Variants in ADAMTSL4 observed in about 807,000 individuals in gnomAD.
The protein encoded by ADAMTSL4 is ADAMTS-like protein 4.
In ADAMTSL4, 97 loss-of-function variants were observed where a neutral mutation model predicts 122.8. That is an observed-to-expected ratio of 0.79 (90% CI 0.67 to 0.93). ADAMTSL4 has a LOEUF of 0.93. Ranked by LOEUF, ADAMTSL4 falls within the 40% of genes least tolerant of loss-of-function variation. The pLI is 0.00. For missense variants in ADAMTSL4, 1,408 were observed against 1,453.5 expected, an observed-to-expected ratio of 0.97 and a Z score of 0.51; for synonymous variants, 592 against 568.0, an observed-to-expected ratio of 1.04 and a Z score of -0.60.
chr1:150,557,496 G>C lies in ADAMTSL4; in HGVS notation c.2050G>C (p.Val684Leu), dbSNP rs1434793522. ...SACSASCGKG[V>L]WRPIFLCISR... ...TGGCTGCCTTCTCACCCACTCAGGTGTCTGGCGCCCCATTTTCCTCTGCAT... is the reference window on the plus strand; with the variant it reads ...TGGCTGCCTTCTCACCCACTCAGGTCTCTGGCGCCCCATTTTCCTCTGCAT... Residue 684 changes from valine (V) to leucine (L), a missense_variant and splice_region_variant, in exon 13 of 19, where the codon GTC becomes CTC. Coordinates refer to ENST00000271643, the MANE Select transcript of ADAMTSL4 (RefSeq NM_019032.6). 3 of 1,613,062 alleles carry C rather than the reference G, an allele frequency of 1.9e-6. No homozygotes were observed. The highest frequency in any genetic ancestry group is 2.5e-6 in the Non-Finnish European group (3 of 1,179,972).
chr1:150,557,300 TG>T lies in ADAMTSL4; in HGVS notation c.2015del (p.Gly672AspfsTer147). ...TCTCCAGCTGCGTACTGGAAACGAG[TG>T]GGACACTCTGCATGCTCAGCGTCCT... ...LGSPAAYWKR[V>X]GHSACSASCG... On this transcript the variant is annotated frameshift_variant, in exon 12 of 19. Coordinates refer to ENST00000271643, the MANE Select transcript of ADAMTSL4 (RefSeq NM_019032.6). LOFTEE classifies it high-confidence loss of function. The T allele has an allele frequency of 3.7e-6, 6 of 1,611,994 alleles. No homozygotes were observed. Among genetic ancestry groups the T allele is most frequent in the Non-Finnish European group, 5.1e-6 (6 of 1,179,522 alleles).
At chr1:150,557,359 C>A in intron 12 of ADAMTSL4, 24 bp downstream of exon 12, 1 of 1,604,474 alleles carries the variant, frequency 6.2e-7, no homozygotes, top group East Asian at 2.3e-5. Context: ...GTGCGTTCCC[C>A]GCATCTCGGT....
At position 150,554,532 on chromosome 1, in the gene ADAMTSL4, T is replaced by C. The variant is rs1351109553; in HGVS notation, c.1234+65T>C. ...AATTGGGGATGAAGGGGAGAGGAGATACCTGCTTACTCCCAGCCCTGAATG... is the reference window on the plus strand; with the variant it reads ...AATTGGGGATGAAGGGGAGAGGAGACACCTGCTTACTCCCAGCCCTGAATG... On this transcript the variant is annotated intron_variant, in intron 7 of 18. Transcript: ENST00000271643. The surrounding 1 kb of genome is among the most constrained non-coding windows in gnomAD (Gnocchi z 4.0). 1 of 1,601,508 alleles carries C rather than the reference T, an allele frequency of 6.2e-7. No individual in the cohort carries two copies. The highest frequency in any genetic ancestry group is 1.7e-5 in the Admixed American group (1 of 57,778).
In ADAMTSL4 at chr1:150,553,612, C is replaced by G; in HGVS notation, c.621C>G (p.Asn207Lys). The part of the protein sequence containing the change: ...PTPRAEPFSA[N>K]GSPQTELPPT... ...CAAGAGCAGAGCCATTCTCCGCAAACGGCAGCCCCCAAACTGAGCTCCCTC... is the reference window on the plus strand; with the variant it reads ...CAAGAGCAGAGCCATTCTCCGCAAAGGGCAGCCCCCAAACTGAGCTCCCTC... The change falls in exon 6 of 19, where the codon AAC (asparagine) becomes AAG (lysine). Residue 207 changes from asparagine to lysine, a missense_variant. Transcript: ENST00000271643. 6.2e-7 allele frequency: 1 copy of G among 1,613,890 alleles called. No individual in the cohort carries two copies. The highest frequency in any genetic ancestry group is 8.5e-7 in the Non-Finnish European group (1 of 1,179,946).
rs140825395 is a variant in ADAMTSL4 at position 150,559,042 on chromosome 1, G to A, written c.2640G>A (p.Gln880=). ...GTGGGGCAGCCCTCGGGCCAGGCCA[G>A]GGGGAAGCAGGAGCAGGAACTGGGC... ...LGSGAALGPG[Q]GEAGAGTGQS... is the part of the protein sequence containing the mutation. Residue 880 remains glutamine, a synonymous_variant, in exon 16 of 19, where the codon CAG becomes CAA. Coordinates refer to ENST00000271643, the MANE Select transcript of ADAMTSL4 (RefSeq NM_019032.6). The surrounding 1 kb of genome is among the most constrained non-coding windows in gnomAD (Gnocchi z 4.1). 2.2e-5 allele frequency: 36 copies of A among 1,612,354 alleles called. No individual in the cohort carries two copies. Among genetic ancestry groups the A allele is most frequent in the Non-Finnish European group, 2.9e-5 (34 of 1,179,892 alleles).
chr1:150,550,168 C>T (rs946598966), intron 2 of ADAMTSL4: 8 of 454,274 alleles, frequency 1.8e-5, no homozygotes, highest in Non-Finnish European at 3.5e-5. Context: ...CAGGAGGAGC[C>T]CGCGTTTGTC....
At position 150,557,037 on chromosome 1, in the gene ADAMTSL4, C is replaced by T. The variant is rs1412359578; in HGVS notation, c.1848C>T (p.Pro616=). ...LENPTPEPPV[P]QLQPEILRVE... is the part of the protein sequence containing the mutation. ...ACCCCACCCCAGAGCCCCCTGTCCC[C>T]CAGCTTCAGCCGGGTAAGACTCTGA... Residue 616 remains proline (P), a synonymous_variant, in exon 11 of 19, where the codon CCC becomes CCT. Coordinates refer to ENST00000271643, the MANE Select transcript of ADAMTSL4 (RefSeq NM_019032.6). The T allele has an allele frequency of 1.2e-6, 2 of 1,613,932 alleles. No individual in the cohort carries two copies. Among genetic ancestry groups the T allele is most frequent in the South Asian group, 2.2e-5 (2 of 91,090 alleles).
intron 15 of ADAMTSL4, 21 bp from the exon 16 acceptor site, chr1:150,558,941 G>A (rs765305544): frequency 6.3e-7 from 1 of 1,588,048 alleles, no homozygotes; most frequent in Non-Finnish European, 8.5e-7. Context: ...CCCTCACACA[G>A]GCCGCTCTCC....
Position 150,556,194 on chromosome 1 carries a change from C to T in ADAMTSL4, c.1404C>T (p.Gly468=). 6.2e-7 allele frequency: 1 copy of T among 1,614,216 alleles called. No homozygotes were observed. Among genetic ancestry groups the T allele is most frequent in the South Asian group, 1.1e-5 (1 of 91,086 alleles). ...GCTGTGATGGGATCCTTGGCTCTGG[C>T]AGGCGTCCTGATGGCTGTGGAGTCT... The part of the protein sequence containing the change: ...SPGCDGILGS[G]RRPDGCGVCG... The change falls in exon 9 of 19, where the codon GGC becomes GGT. Residue 468 remains glycine (G), a synonymous_variant. Coordinates refer to ENST00000271643, the MANE Select transcript of ADAMTSL4 (RefSeq NM_019032.6). This position sits in a 1 kb window ranked among gnomAD's most constrained non-coding sequence, Gnocchi z 4.1.
intron 15 of ADAMTSL4, 119 bp downstream of exon 15, chr1:150,558,768 C>G (rs1221495741): frequency 6.4e-7 from 1 of 1,572,434 alleles, no homozygotes; most frequent in Non-Finnish European, 8.6e-7. Context: ...TATGCCTGAC[C>G]CTGGGAACTC....
rs751448354 is a variant in ADAMTSL4, at chr1:150,558,607, G to A, written c.2517G>A (p.Gly839=). Residue 839 remains glycine (G), a synonymous_variant, in exon 15 of 19, where the codon GGG becomes GGA. Coordinates refer to ENST00000271643, the MANE Select transcript of ADAMTSL4 (RefSeq NM_019032.6). ...QPPSREACDM[G]PCTTAWFHSD... ...CCAGCAGAGAGGCCTGTGACATGGGGCCCTGTACTACTGCCTGGTTCCACA... is the reference window on the plus strand; with the variant it reads ...CCAGCAGAGAGGCCTGTGACATGGGACCCTGTACTACTGCCTGGTTCCACA... The A allele has an allele frequency of 5.6e-6, 9 of 1,613,752 alleles. No homozygotes were observed. The East Asian group carries it at 8.9e-5, about 16-fold the overall frequency.
chr1:150,552,642 C>T lies in ADAMTSL4; in HGVS notation c.78+42C>T, dbSNP rs760169235. On this transcript the variant is annotated intron_variant, in intron 4 of 18. Coordinates refer to ENST00000271643, the MANE Select transcript of ADAMTSL4 (RefSeq NM_019032.6). This position sits in a 1 kb window ranked among gnomAD's most constrained non-coding sequence, Gnocchi z 4.0. ...TGAGCAGCTGCAGCCTGCCTGCCAC[C>T]CTTTCATCTCCCCCTAGGCTCCCAC... 6.3e-7 allele frequency: 1 copy of T among 1,586,658 alleles called. No individual in the cohort carries two copies. Among genetic ancestry groups the T allele is most frequent in the African/African-American group, 1.3e-5 (1 of 74,122 alleles).
At position 150,553,735 on chromosome 1, in the gene ADAMTSL4, C is replaced by G. The variant is rs587616373; in HGVS notation, c.744C>G (p.Pro248=). The change falls in exon 6 of 19, where the codon CCC becomes CCG. Residue 248 remains proline, a synonymous_variant. Coordinates refer to ENST00000271643, the MANE Select transcript of ADAMTSL4 (RefSeq NM_019032.6). ...TGGCCCCCAGAACCAGGCCTGCCCC[C>G]CTACGGCATCACCCCAGAGCCCAGG... ...TEVAPRTRPA[P]LRHHPRAQAS... The G allele has an allele frequency of 5.6e-6, 9 of 1,613,574 alleles. No homozygotes were observed. Among genetic ancestry groups the G allele is most frequent in the Admixed American group, 5.0e-5 (3 of 60,006 alleles).
At position 150,559,832 on chromosome 1, in the gene ADAMTSL4, C is replaced by T. The variant is rs1570965881; in HGVS notation, c.3015C>T (p.Ser1005=). 1 of 1,614,040 alleles carries T rather than the reference C, an allele frequency of 6.2e-7. No individual in the cohort carries two copies. The highest frequency in any genetic ancestry group is 1.7e-5 in the Admixed American group (1 of 60,030). ...GCCTGAGCACCAACCAGACCCTCAGCACCCGATGCCCTCCTCAACTGCGGC... is the reference window on the plus strand; with the variant it reads ...GCCTGAGCACCAACCAGACCCTCAGTACCCGATGCCCTCCTCAACTGCGGC... ...VQCLSTNQTL[S]TRCPPQLRPS... Residue 1005 remains serine (S), a synonymous_variant, in exon 18 of 19, where the codon AGC becomes AGT. Coordinates refer to ENST00000271643, the MANE Select transcript of ADAMTSL4 (RefSeq NM_019032.6). The surrounding 1 kb of genome is among the most constrained non-coding windows in gnomAD (Gnocchi z 4.1).
Position 150,558,968 on chromosome 1 carries a change from GCCGAGTGTGGGA to G in ADAMTSL4, c.2568_2579del (p.Glu857_Thr860del). 2 of 1,607,818 alleles carry G rather than the reference GCCGAGTGTGGGA, an allele frequency of 1.2e-6. No homozygotes were observed. The highest frequency in any genetic ancestry group is 1.7e-6 in the Non-Finnish European group (2 of 1,178,570). ...CCGCTCTCCTCCTCCGCAGTGCTCA[GCCGAGTGTGGGA>G]CGGGAATCCAGCGGCGCTCTGTGGT... On this transcript the variant is annotated inframe_deletion, in exon 16 of 19. Transcript: ENST00000271643.
In ADAMTSL4 at chr1:150,558,960, A is replaced by G. The variant is rs748960320; in HGVS notation, c.2560-2A>G. 2 of 1,605,196 alleles carry G rather than the reference A, an allele frequency of 1.2e-6. No homozygotes were observed. Among genetic ancestry groups the G allele is most frequent in the East Asian group, 4.5e-5 (2 of 44,634 alleles). On this transcript the variant is annotated splice_acceptor_variant, in intron 15 of 18. Transcript: ENST00000271643. LOFTEE classifies it high-confidence loss of function. ...CACACAGGCCGCTCTCCTCCTCCGC[A>G]GTGCTCAGCCGAGTGTGGGACGGGA...
rs1672531146 is a variant in ADAMTSL4 at position 150,559,147 on chromosome 1, C to T, written c.2745C>T (p.Tyr915=). 6.2e-7 allele frequency: 1 copy of T among 1,612,634 alleles called. No homozygotes were observed. The highest frequency in any genetic ancestry group is 1.3e-5 in the African/African-American group (1 of 74,884). The change falls in exon 16 of 19, where the codon TAC becomes TAT. Residue 915 remains tyrosine, a synonymous_variant. Transcript: ENST00000271643. The surrounding 1 kb of genome is among the most constrained non-coding windows in gnomAD (Gnocchi z 4.1). ...CCTGTGAGAGAACTTGGCGCTGGTACACAGGGCCCTGGGGTGAGGTAAGCT... is the reference window on the plus strand; with the variant it reads ...CCTGTGAGAGAACTTGGCGCTGGTATACAGGGCCCTGGGGTGAGGTAAGCT... The part of the protein sequence containing the change: ...LGPCERTWRW[Y]TGPWGECSSE...
In ADAMTSL4 at chr1:150,560,278, C is replaced by T. The variant is rs934245336; in HGVS notation, c.*82C>T. 3.8e-6 allele frequency: 6 copies of T among 1,572,758 alleles called. No homozygotes were observed. The highest frequency in any genetic ancestry group is 1.3e-5 in the African/African-American group (1 of 74,196). On this transcript the variant is annotated 3_prime_UTR_variant, in exon 19 of 19. Coordinates refer to ENST00000271643, the MANE Select transcript of ADAMTSL4 (RefSeq NM_019032.6). ...GGCCCACTCTGAACCCCCTGGCTCT[C>T]CAGCCTGTCCCAGTCTCAGCAGGGA...
Position 150,559,441 on chromosome 1 carries a change from G to A in ADAMTSL4, c.2918G>A (p.Arg973Gln), listed in dbSNP as rs587619905. The change falls in exon 17 of 19, where the codon CGA becomes CAA. Residue 973 changes from arginine to glutamine, a missense_variant. Transcript: ENST00000271643. This position sits in a 1 kb window ranked among gnomAD's most constrained non-coding sequence, Gnocchi z 4.1. The part of the protein sequence containing the change: ...QPCQGQACQD[R>Q]WFSTPWSPCS... ...TGTCAAGGGCAGGCCTGCCAGGACC[G>A]ATGGTTTTCCACGCCCTGGAGCCCA... 4.0e-5 allele frequency: 65 copies of A among 1,613,466 alleles called. No individual in the cohort carries two copies. Among genetic ancestry groups the A allele is most frequent in the Middle Eastern group, 3.3e-4 (2 of 6,062 alleles).
Sources: allele counts gnomAD v4.1 joint callset, GRCh38; gene constraint gnomAD v4.1.1; non-coding constraint Gnocchi (gnomAD v3.1); transcripts MANE v1.5; gene names NCBI Gene and HGNC (gene_info 2026-07-23, HGNC 2026-07-21).